The following STEAP1B variants were observed in gnomAD, a reference collection of about 807,000 sequenced individuals.
The protein encoded by STEAP1B is STEAP family protein MGC87042.
Under a neutral mutation model 27.9 loss-of-function variants are expected in STEAP1B, and 13 were observed. That is an observed-to-expected ratio of 0.47 (90% CI 0.30 to 0.74). STEAP1B has a LOEUF of 0.74. Ranked by LOEUF, STEAP1B falls within the 30% of genes least tolerant of loss-of-function variation. The pLI is 0.06. For synonymous variants in STEAP1B, 86 were observed against 107.1 expected, an observed-to-expected ratio of 0.80 and a Z score of 1.22; for missense variants, 250 against 298.7, an observed-to-expected ratio of 0.84 and a Z score of 1.20.
At chr7:22,436,143 T>A (rs1402704352) in intron 4 of STEAP1B, among the ~76,000 whole-genome samples, 2 of 152,208 alleles carry the variant, frequency 1.3e-5, no homozygotes, top group African/African-American at 4.8e-5. Flanking sequence ...TTGGTGAGAA[T>A]TAAATTAGAT....
Position 22,492,694 on chromosome 7 carries a change from A to T in STEAP1B, c.633T>A (p.His211Gln). Residue 211 changes from histidine to glutamine, a missense_variant, in exon 4 of 5, where the codon CAT (histidine) becomes CAA (glutamine). By Grantham distance (24) the His-to-Gln change is conservative. Transcript: ENST00000678116. ...CATAAATCTCCATTCTCCAAACATCATGCTCAATCCAGGCATCTTCTTTAT... is the reference window on the plus strand; with the variant it reads ...CATAAATCTCCATTCTCCAAACATCTTGCTCAATCCAGGCATCTTCTTTAT... ...QQNKEDAWIE[H>Q]DVWRMEIYVS... 6.2e-7 allele frequency: 1 copy of T among 1,612,128 alleles called. No homozygotes were observed. Among genetic ancestry groups the T allele is most frequent in the Non-Finnish European group, 8.5e-7 (1 of 1,179,372 alleles).
intron 4 of STEAP1B, among the ~76,000 whole-genome samples, chr7:22,435,745 G>A (rs906443804): frequency 6.6e-6 from 1 of 152,212 alleles, no homozygotes; most frequent in South Asian, 2.1e-4. Flanking sequence ...TGGGCAGAGA[G>A]GTAAAGAGAG....
At chr7:22,436,938 T>C (rs562377050) in intron 4 of STEAP1B, among the ~76,000 whole-genome samples, 1 of 152,316 alleles carries the variant, frequency 6.6e-6, no homozygotes, top group Admixed American at 6.5e-5. Flanking sequence ...TCAAATGGTA[T>C]TTCTGGGGCA....
chr7:22,456,958 A>C (rs1249093130), intron 4 of STEAP1B, among the ~76,000 whole-genome samples: 1 of 14,790 alleles, frequency 6.8e-5, no homozygotes, highest in African/African-American at 9.8e-5. Context: ...GCAGCTATAT[A>C]TATATATATA....
chr7:22,500,186 C>T lies in STEAP1B; in HGVS notation c.-104G>A, dbSNP rs867968478. ...CGGGAGGTGCCGGCCCCACGCGGCG[C>T]CTGAGCCTCCAGAGCGCGAAGCCTC... is the stretch of plus-strand genomic sequence containing the variant. On this transcript the variant is annotated 5_prime_UTR_variant, in exon 1 of 5. Coordinates refer to ENST00000678116, the MANE Select transcript of STEAP1B (RefSeq NM_001382447.1). 50 of 153,362 alleles carry T rather than the reference C, an allele frequency of 3.3e-4. No homozygotes were observed. In the Middle Eastern group the frequency reaches 4.3e-3, roughly 13 times the overall value. The allele number at this position is 153,362 out of a possible 1,614,324, so 9.5% of individuals were successfully genotyped here.
chr7:22,469,594 T>C (rs1168720635), intron 4 of STEAP1B, among the ~76,000 whole-genome samples: 1 of 152,244 alleles, frequency 6.6e-6, no homozygotes, highest in African/African-American at 2.4e-5. Context: ...GTTTCATTTC[T>C]GTTTAGAAAG....
chr7:22,472,701 C>T (rs886649704), intron 4 of STEAP1B, among the ~76,000 whole-genome samples: 2 of 152,168 alleles, frequency 1.3e-5, no homozygotes, highest in Admixed American at 6.5e-5. Flanking sequence ...TCACAGCAGT[C>T]TTCCTTCCCT....
chr7:22,428,381 G>C (rs940047923), intron 4 of STEAP1B, among the ~76,000 whole-genome samples: 1 of 152,080 alleles, frequency 6.6e-6, no homozygotes, highest in Non-Finnish European at 1.5e-5. Flanking sequence ...AAATGAATTC[G>C]ATCAATGGTT....
chr7:22,496,721 T>C (rs1171337421), intron 1 of STEAP1B, among the ~76,000 whole-genome samples: 4 of 152,314 alleles, frequency 2.6e-5, no homozygotes, highest in African/African-American at 9.6e-5. Flanking sequence ...TAGGAGGCTG[T>C]ACCATCTAAG....
At chr7:22,444,007 T>C (rs1346694967) in intron 4 of STEAP1B, among the ~76,000 whole-genome samples, 2 of 152,206 alleles carry the variant, frequency 1.3e-5, no homozygotes, top group African/African-American at 4.8e-5. Flanking sequence ...ATCTGTGTGA[T>C]ATAAGGAAGC....
At chr7:22,428,367 C>G (rs1562565099) in intron 4 of STEAP1B, among the ~76,000 whole-genome samples, 1 of 152,158 alleles carries the variant, frequency 6.6e-6, no homozygotes, top group Non-Finnish European at 1.5e-5. Flanking sequence ...TTCTCATTAC[C>G]TTAAAATGAA....
At chr7:22,422,901 G>C (rs1349934672) in intron 4 of STEAP1B, among the ~76,000 whole-genome samples, 2 of 152,086 alleles carry the variant, frequency 1.3e-5, no homozygotes, top group African/African-American at 2.4e-5. Flanking sequence ...TTTTTGTTCA[G>C]ATGAGAAGAA....
chr7:22,450,731 CT>C (rs951210058), intron 4 of STEAP1B, among the ~76,000 whole-genome samples: 4 of 151,866 alleles, frequency 2.6e-5, no homozygotes, highest in Non-Finnish European at 4.4e-5. Flanking sequence ...CTGTACACTG[CT>C]TTGGGTAGTA....
At chr7:22,482,445 G>A (rs1218747311) in intron 4 of STEAP1B, among the ~76,000 whole-genome samples, 1 of 152,210 alleles carries the variant, frequency 6.6e-6, no homozygotes, top group Non-Finnish European at 1.5e-5. Flanking sequence ...ATTTAGTTAT[G>A]TTGGTTTGCT....
intron 4 of STEAP1B, among the ~76,000 whole-genome samples, chr7:22,427,599 C>A (rs1165984764): frequency 6.6e-6 from 1 of 152,126 alleles, no homozygotes; most frequent in Non-Finnish European, 1.5e-5. Context: ...AATCTAAAGC[C>A]GTAAAAGGCT....
intron 4 of STEAP1B, among the ~76,000 whole-genome samples, chr7:22,454,523 T>A (rs922794420): frequency 6.6e-6 from 1 of 152,102 alleles, no homozygotes; most frequent in Non-Finnish European, 1.5e-5. Context: ...AGAGAAGCTA[T>A]AAGCCACTGG....
At chr7:22,491,631 C>T (rs1246837789) in intron 4 of STEAP1B, among the ~76,000 whole-genome samples, 1 of 151,980 alleles carries the variant, frequency 6.6e-6, no homozygotes, top group African/African-American at 2.4e-5. Flanking sequence ...GTGAACAAGG[C>T]CATGGAGTCA....
At chr7:22,475,044 A>G (rs528684785) in intron 4 of STEAP1B, among the ~76,000 whole-genome samples, 20 of 152,342 alleles carry the variant, frequency 1.3e-4, no homozygotes, top group African/African-American at 4.8e-4. Flanking sequence ...ATTAACCGAC[A>G]TGCCTCATAG....
At chr7:22,462,964 G>C (rs1785705612) in intron 4 of STEAP1B, among the ~76,000 whole-genome samples, 1 of 152,142 alleles carries the variant, frequency 6.6e-6, no homozygotes, top group Non-Finnish European at 1.5e-5. Context: ...GTTTTGATTT[G>C]CATTTCTCTG....
Sources: gnomAD v4.1 joint callset for allele counts (sites outside exome capture counted in the v4.1 genomes callset) on GRCh38, gnomAD v4.1.1 for gene constraint, MANE v1.5 for transcripts, NCBI Gene and HGNC (gene_info 2026-07-23, HGNC 2026-07-21) for gene names.